Variants in SH3RF3 observed in about 807,000 individuals in gnomAD.
The protein encoded by SH3RF3 is SH3 domain containing ring finger 3, also known as E3 ubiquitin-protein ligase SH3RF3.
A neutral mutation model predicts 66.3 loss-of-function variants in SH3RF3; 29 were observed. The observed-to-expected ratio is 0.44, with a 90% CI of 0.33 to 0.60. The LOEUF (loss-of-function observed/expected upper bound fraction) is 0.60, where lower values mean the gene tolerates loss of function less well. Ranked by LOEUF, SH3RF3 falls within the 20% of genes least tolerant of loss-of-function variation. SH3RF3 has a pLI of 0.04. For missense variants in SH3RF3, 1,194 were observed against 1,190.9 expected, an observed-to-expected ratio of 1.00 and a Z score of -0.04; for synonymous variants, 583 against 532.0, an observed-to-expected ratio of 1.10 and a Z score of -1.32.
intron 1 of SH3RF3, among the ~76,000 whole-genome samples, chr2:109,163,390 C>CTTTTTT (rs70956302): frequency 2.8e-4 from 20 of 70,266 alleles, no homozygotes; most frequent in African/African-American, 7.1e-4. Context: ...AGCAAATATT[C>CTTTTTT]TTTTTTTTTT....
chr2:109,478,122 G>T (rs560609067), intron 8 of SH3RF3, among the ~76,000 whole-genome samples: 3 of 152,234 alleles, frequency 2.0e-5, no homozygotes, highest in African/African-American at 7.2e-5. Flanking sequence ...CTCTGCAGCC[G>T]GAGAGGAGCT....
intron 4 of SH3RF3, among the ~76,000 whole-genome samples, chr2:109,403,200 G>A (rs1676361363): frequency 6.6e-6 from 1 of 152,212 alleles, no homozygotes; most frequent in South Asian, 2.1e-4. Context: ...ATGAAGCCTG[G>A]GAGCACAGCC....
intron 1 of SH3RF3, among the ~76,000 whole-genome samples, chr2:109,283,688 T>C (rs942401217): frequency 1.3e-5 from 2 of 152,176 alleles, no homozygotes; most frequent in Non-Finnish European, 1.5e-5. Flanking sequence ...GTAGCCCCCT[T>C]TTGTGGTCAG....
Position 109,130,054 on chromosome 2 carries a change from G to T in SH3RF3, c.514G>T (p.Gly172Cys), listed in dbSNP as rs941572596. 1 of 1,368,172 alleles carries T rather than the reference G, an allele frequency of 7.3e-7. No individual in the cohort carries two copies. The highest frequency in any genetic ancestry group is 1.7e-5 in the South Asian group (1 of 58,486). 84.8% of individuals were successfully genotyped at this position (1,368,172 alleles called of 1,614,324 possible). A position where few individuals can be genotyped will look rare whatever the true frequency, so the allele number is the denominator to read the frequency against. The change falls in exon 1 of 10, where the codon GGC becomes TGC. Residue 172 changes from glycine to cysteine, a missense_variant. By Grantham distance (159) the Gly-to-Cys change is radical (BLOSUM62 -3). Coordinates refer to ENST00000309415, the MANE Select transcript of SH3RF3 (RefSeq NM_001099289.3). ...CCCGGTTTTCCTCTCCGCGGCCGCG[G>T]GCAGCACCGCCGGCAGTCTGCGGGA... ...GSPVFLSAAA[G>C]STAGSLRELA...
intron 4 of SH3RF3, among the ~76,000 whole-genome samples, chr2:109,399,916 C>G (rs1165825909): frequency 6.6e-6 from 1 of 152,188 alleles, no homozygotes; most frequent in African/African-American, 2.4e-5. Context: ...GTGCCCACTC[C>G]ATTTCTCCCT....
chr2:109,340,589 A>G (rs1682536365), intron 1 of SH3RF3, among the ~76,000 whole-genome samples: 1 of 152,306 alleles, frequency 6.6e-6, no homozygotes, highest in South Asian at 2.1e-4. Flanking sequence ...TCCTACACTT[A>G]GAAGCATCTG....
chr2:109,268,339 G>A (rs1328451289), intron 1 of SH3RF3, among the ~76,000 whole-genome samples: 2 of 151,872 alleles, frequency 1.3e-5, no homozygotes, highest in African/African-American at 4.8e-5. Flanking sequence ...ACAAGGACTG[G>A]ACACAGAGTC....
chr2:109,151,676 T>C lies in SH3RF3; in HGVS notation c.573+21563T>C, dbSNP rs544674864. 9.2e-5 allele frequency among the ~76,000 whole-genome samples: 14 copies of C among 152,348 alleles called. No individual in the cohort carries two copies. In the East Asian group the frequency reaches 2.5e-3, roughly 27 times the overall value. ...ACATCTGAGGTCACACTTCCCGGTT[T>C]CCAGGGCCCAGTAGGCATGTGGTGC... On this transcript the variant is annotated intron_variant, in intron 1 of 9. Transcript: ENST00000309415.
chr2:109,481,831 G>A (rs533928274), intron 8 of SH3RF3, among the ~76,000 whole-genome samples: 13 of 152,124 alleles, frequency 8.5e-5, no homozygotes, highest in Non-Finnish European at 1.5e-4. Flanking sequence ...GCCCAGAGGG[G>A]CAAGGTGCCT....
chr2:109,477,953 C>A (rs1031190536), intron 8 of SH3RF3, among the ~76,000 whole-genome samples: 9 of 152,204 alleles, frequency 5.9e-5, no homozygotes, highest in Admixed American at 5.2e-4. Flanking sequence ...CCTGCCCTGC[C>A]TTTGCTGGAG....
At chr2:109,161,486 G>C (rs1185846172) in intron 1 of SH3RF3, among the ~76,000 whole-genome samples, 3 of 151,220 alleles carry the variant, frequency 2.0e-5, no homozygotes, top group African/African-American at 7.4e-5. Context: ...GTTGGGTGAC[G>C]TGCATTACAT....
intron 1 of SH3RF3, among the ~76,000 whole-genome samples, chr2:109,287,199 A>G (rs1208003171): frequency 1.3e-5 from 2 of 152,158 alleles, no homozygotes; most frequent in Non-Finnish European, 2.9e-5. Flanking sequence ...CAAAATTTGC[A>G]TTTTAAATTT....
At chr2:109,439,467 C>T (rs1451782372) in intron 7 of SH3RF3, among the ~76,000 whole-genome samples, 1 of 152,142 alleles carries the variant, frequency 6.6e-6, no homozygotes, top group Non-Finnish European at 1.5e-5. Context: ...ATGGATTGTT[C>T]CCTGCAGTAA....
At chr2:109,248,389 T>G (rs760040933) in intron 1 of SH3RF3, among the ~76,000 whole-genome samples, 1 of 152,212 alleles carries the variant, frequency 6.6e-6, no homozygotes, top group African/African-American at 2.4e-5. Context: ...CATGATTATG[T>G]GTTATCGCTC....
chr2:109,400,552 C>A (rs1449877020), intron 4 of SH3RF3, among the ~76,000 whole-genome samples: 1 of 149,276 alleles, frequency 6.7e-6, no homozygotes, highest in Non-Finnish European at 1.5e-5. Flanking sequence ...CACACACGTA[C>A]GTATACACAT....
chr2:109,492,289 C>T (rs1408029915), intron 9 of SH3RF3, among the ~76,000 whole-genome samples: 2 of 152,324 alleles, frequency 1.3e-5, no homozygotes, highest in Middle Eastern at 3.4e-3. Context: ...TAGCCGCAGG[C>T]GCAGTTTGCC....
chr2:109,457,688 C>G (rs1197791946), intron 8 of SH3RF3, among the ~76,000 whole-genome samples: 1 of 152,266 alleles, frequency 6.6e-6, no homozygotes, highest in Non-Finnish European at 1.5e-5. Flanking sequence ...CAAAATTCTA[C>G]TGCTGTGACT....
chr2:109,245,664 C>A (rs1431005232), intron 1 of SH3RF3, among the ~76,000 whole-genome samples: 1 of 152,166 alleles, frequency 6.6e-6, no homozygotes, highest in African/African-American at 2.4e-5. Context: ...ATCCCTTGAA[C>A]TGAGACCATA....
At chr2:109,384,137 C>G (rs1307942882) in intron 3 of SH3RF3, among the ~76,000 whole-genome samples, 3 of 152,200 alleles carry the variant, frequency 2.0e-5, no homozygotes, top group Non-Finnish European at 4.4e-5. Flanking sequence ...GTGCCCTCCC[C>G]ACAGTTCCTT....
Sources: gnomAD v4.1 joint callset for allele counts (sites outside exome capture counted in the v4.1 genomes callset) on GRCh38, gnomAD v4.1.1 for gene constraint, MANE v1.5 for transcripts, NCBI Gene and HGNC (gene_info 2026-07-23, HGNC 2026-07-21) for gene names.